Variants in BLTP3B observed in about 807,000 individuals in gnomAD.
BLTP3B encodes UHRF1 (ICBP90) binding protein 1-like.
the BLTP3B span, among the ~76,000 whole-genome samples, chr12:100,117,128 A>C: frequency 2.0e-5 from 3 of 152,214 alleles, no homozygotes; most frequent in African/African-American, 7.2e-5. Flanking sequence ...AAAAGTTCCA[A>C]AAAAATTACA....
At chr12:100,061,384 G>A in the BLTP3B span, among the ~76,000 whole-genome samples, 9 of 152,160 alleles carry the variant, frequency 5.9e-5, no homozygotes, top group East Asian at 1.9e-4. Context: ...CAGGGCCGGC[G>A]CGGTGGCTCA....
the BLTP3B span, among the ~76,000 whole-genome samples, chr12:100,050,695 C>G: frequency 6.6e-6 from 1 of 151,848 alleles, no homozygotes; most frequent in Non-Finnish European, 1.5e-5. Flanking sequence ...ACCTATAGTC[C>G]CAGCTACTAG....
At chr12:100,094,630 G>C in the BLTP3B span, among the ~76,000 whole-genome samples, 2 of 152,212 alleles carry the variant, frequency 1.3e-5, no homozygotes, top group Non-Finnish European at 2.9e-5. Flanking sequence ...GCCAAGGCGG[G>C]CAGATCACTT....
the BLTP3B span, among the ~76,000 whole-genome samples, chr12:100,132,965 C>T: frequency 6.6e-6 from 1 of 151,894 alleles, no homozygotes; most frequent in Non-Finnish European, 1.5e-5. Context: ...ATAAATAGGC[C>T]GGGCGTGGTG....
chr12:100,130,560 T>C, the BLTP3B span, among the ~76,000 whole-genome samples: 1 of 151,808 alleles, frequency 6.6e-6, no homozygotes, highest in Non-Finnish European at 1.5e-5. Flanking sequence ...AAATCTTACA[T>C]TTTATGGATG....
chr12:100,126,375 T>C, the BLTP3B span, among the ~76,000 whole-genome samples: 3 of 151,898 alleles, frequency 2.0e-5, no homozygotes, highest in African/African-American at 7.3e-5. Context: ...CCAACGAATA[T>C]GGGTTTTAAC....
the BLTP3B span, among the ~76,000 whole-genome samples, chr12:100,130,982 G>GAGA: frequency 9.5e-4 from 59 of 62,208 alleles, no homozygotes; most frequent in Non-Finnish European, 1.4e-3. Context: ...AGAGAGGGAG[G>GAGA]GAGAGAGAGA....
the BLTP3B span, among the ~76,000 whole-genome samples, chr12:100,133,434 C>T: frequency 6.6e-6 from 1 of 152,138 alleles, no homozygotes; most frequent in East Asian, 1.9e-4. Context: ...ATAAAAGAAT[C>T]TCCTAAGGGA....
At chr12:100,051,125 G>A in the BLTP3B span, 2 of 1,613,992 alleles carry the variant, frequency 1.2e-6, no homozygotes, top group Non-Finnish European at 1.7e-6. Flanking sequence ...TGTACTGATG[G>A]CATCTGGAGA....
At chr12:100,104,884 C>CAA in the BLTP3B span, among the ~76,000 whole-genome samples, 93 of 66,014 alleles carry the variant, frequency 1.4e-3, no homozygotes, top group Non-Finnish European at 2.1e-3. Flanking sequence ...ACTGCTACTA[C>CAA]AAAAAAAAAA....
At chr12:100,089,039 A>G in the BLTP3B span, 4 of 1,610,520 alleles carry the variant, frequency 2.5e-6, no homozygotes, top group Non-Finnish European at 3.4e-6. Context: ...TTACATCAGG[A>G]GCATTTGAAG....
chr12:100,130,854 G>C, the BLTP3B span, among the ~76,000 whole-genome samples: 1 of 152,032 alleles, frequency 6.6e-6, no homozygotes, highest in Non-Finnish European at 1.5e-5. Flanking sequence ...AACCCAGGGG[G>C]TGGAGGTTGC....
the BLTP3B span, among the ~76,000 whole-genome samples, chr12:100,134,764 C>T: frequency 6.6e-6 from 1 of 152,126 alleles, no homozygotes; most frequent in African/African-American, 2.4e-5. Context: ...GCTTATGTTG[C>T]TTATGTCAAA....
chr12:100,073,491 C>T, the BLTP3B span, among the ~76,000 whole-genome samples: 2 of 151,440 alleles, frequency 1.3e-5, no homozygotes, highest in East Asian at 3.9e-4. Context: ...TGAGCCACTG[C>T]ACCTAGCCGA....
At chr12:100,126,658 C>G in the BLTP3B span, among the ~76,000 whole-genome samples, 1 of 151,712 alleles carries the variant, frequency 6.6e-6, no homozygotes, top group Non-Finnish European at 1.5e-5. Flanking sequence ...AGATTTTTAG[C>G]AAGAAATTAA....
At chr12:100,048,493 T>C in the BLTP3B span, among the ~76,000 whole-genome samples, 1 of 152,128 alleles carries the variant, frequency 6.6e-6, no homozygotes, top group African/African-American at 2.4e-5. Context: ...TTTGATTGTG[T>C]ACCTAACTAT....
At chr12:100,098,368 T>C in the BLTP3B span, 2 of 1,603,654 alleles carry the variant, frequency 1.2e-6, no homozygotes, top group East Asian at 2.2e-5. Flanking sequence ...TCTCTGTGGA[T>C]CCTGAATACG....
the BLTP3B span, chr12:100,059,420 T>C: frequency 2.5e-6 from 4 of 1,614,064 alleles, no homozygotes; most frequent in Non-Finnish European, 3.4e-6. Context: ...GGTCAGAATG[T>C]CGACAGTTTG....
the BLTP3B span, among the ~76,000 whole-genome samples, chr12:100,071,682 A>T: frequency 6.6e-6 from 1 of 152,326 alleles, no homozygotes; most frequent in South Asian, 2.1e-4. Flanking sequence ...CTAAAAATAA[A>T]AATTCATGTA....
Sources: allele counts gnomAD v4.1 joint callset (sites outside exome capture counted in the v4.1 genomes callset), GRCh38; gene constraint gnomAD v4.1.1; transcripts MANE v1.5; gene names NCBI Gene and HGNC (gene_info 2026-07-23, HGNC 2026-07-21).